LPIN1: variants seen among roughly 807,000 people sequenced by gnomAD.
LPIN1 encodes the protein phosphatidate phosphatase LPIN1.
In LPIN1, 71 loss-of-function variants were observed where a neutral mutation model predicts 107.5. That is an observed-to-expected ratio of 0.66 (90% CI 0.55 to 0.80). The LOEUF is 0.80. LPIN1 is among the 30% of genes least tolerant of loss of function. LPIN1 has a pLI of 0.00. For missense variants in LPIN1, 1,043 were observed against 1,160.6 expected (o/e 0.90, Z 1.47); for synonymous variants, 445 against 452.6 (o/e 0.98, Z 0.21).
At chr2:11,783,239 G>C (rs757595748) in intron 8 of LPIN1, among the ~76,000 whole-genome samples, 1 of 152,178 alleles carries the variant, frequency 6.6e-6, no homozygotes, top group Non-Finnish European at 1.5e-5. Context: ...GCACAGTGTG[G>C]GATGCTTTGC....
At chr2:11,683,272 A>G (rs1199829737) in intron 1 of LPIN1, 1 of 152,226 alleles carries the variant, frequency 6.6e-6, no homozygotes, top group Non-Finnish European at 1.5e-5. Context: ...TTGATTTGGA[A>G]TTTCGGTAAT....
intron 12 of LPIN1, among the ~76,000 whole-genome samples, chr2:11,789,030 C>G (rs1220938185): frequency 6.6e-6 from 1 of 152,174 alleles, no homozygotes; most frequent in African/African-American, 2.4e-5. Context: ...CTCATCCTAC[C>G]CCAAACAATT....
intron 1 of LPIN1, among the ~76,000 whole-genome samples, chr2:11,703,816 T>G (rs1460957699): frequency 6.6e-6 from 1 of 152,270 alleles, no homozygotes; most frequent in Non-Finnish European, 1.5e-5. Context: ...ATTTAGTGGC[T>G]TAAAACAATA....
chr2:11,721,586 C>G (rs529045728), upstream of LPIN1: 1 of 152,274 alleles, frequency 6.6e-6, no homozygotes, highest in African/African-American at 2.4e-5. Flanking sequence ...TCTCTATCCT[C>G]ACTGTTCTAG....
chr2:11,789,473 T>A (rs1394681891), intron 12 of LPIN1, among the ~76,000 whole-genome samples: 1 of 151,982 alleles, frequency 6.6e-6, no homozygotes, highest in Non-Finnish European at 1.5e-5. Context: ...TGTGCACGTG[T>A]GTGCATGTGT....
Position 11,771,374 on chromosome 2 carries a change from A to T in LPIN1, c.291A>T (p.Glu97Asp). The T allele has an allele frequency of 4.3e-6, 7 of 1,614,174 alleles. No homozygotes were observed. Among genetic ancestry groups the T allele is most frequent in the Non-Finnish European group, 5.9e-6 (7 of 1,179,994 alleles). Residue 97 changes from glutamate to aspartate, a missense_variant and splice_region_variant, in exon 4 of 21, where the codon GAA (glutamate) becomes GAT (aspartate). Transcript: ENST00000674199. This position sits in a 1 kb window ranked among gnomAD's most constrained non-coding sequence, Gnocchi z 4.8. ...TAGAAAATGTGTTCTTTTCTTAGGA[A>T]GTTATCCCTATGCACCTGGCCACCT... is the stretch of plus-strand genomic sequence containing the variant. Reference protein sequence around the residue: ...FFVQETDNDQEVIPMHLATSP... With the variant: ...FFVQETDNDQDVIPMHLATSP...
chr2:11,772,418 G>A (rs574764529), intron 4 of LPIN1, among the ~76,000 whole-genome samples: 3 of 152,326 alleles, frequency 2.0e-5, no homozygotes, highest in South Asian at 4.1e-4. Context: ...TAGCAGCCTG[G>A]AATGGAGTCA....
At chr2:11,691,216 G>C (rs6432232) in intron 1 of LPIN1, among the ~76,000 whole-genome samples, 39,154 of 151,632 alleles carry the variant, frequency 0.26, 7,499 homozygotes, top group African/African-American at 0.54. Context: ...CCCCAGGTCC[G>C]GGGGCACAGT....
chr2:11,761,635 C>T (rs942548954), intron 1 of LPIN1, among the ~76,000 whole-genome samples: 5 of 152,088 alleles, frequency 3.3e-5, no homozygotes, highest in South Asian at 2.1e-4. Flanking sequence ...GAATTAAATC[C>T]GCAGTTCTTA....
At chr2:11,795,529 G>A (rs565576246) in intron 14 of LPIN1, 42 bp downstream of exon 14, 9 of 1,549,552 alleles carry the variant, frequency 5.8e-6, no homozygotes, top group South Asian at 5.6e-5. Flanking sequence ...GCCCCTTTCC[G>A]CATCCAAGTT....
At chr2:11,752,501 G>A (rs1177543373) in intron 1 of LPIN1, among the ~76,000 whole-genome samples, 1 of 138,914 alleles carries the variant, frequency 7.2e-6, no homozygotes, top group Non-Finnish European at 1.5e-5. Flanking sequence ...GCGGGATCTC[G>A]GCTCACTGCA....
At chr2:11,758,059 C>T (rs900266930) in intron 1 of LPIN1, among the ~76,000 whole-genome samples, 4 of 151,904 alleles carry the variant, frequency 2.6e-5, no homozygotes, top group Admixed American at 6.6e-5. Flanking sequence ...ATTTAGCCTA[C>T]TGTCCTCAAG....
At chr2:11,773,785 T>C (rs1672249221) in intron 5 of LPIN1, 40 bp downstream of exon 5, 1 of 1,607,742 alleles carries the variant, frequency 6.2e-7, no homozygotes, top group Admixed American at 1.7e-5. Context: ...TGCAGAGGCT[T>C]AGAAGTCAGT....
chr2:11,771,608 A>T lies in LPIN1; in HGVS notation c.525A>T (p.Thr175=), dbSNP rs1365179754. ...TGAAGAGAGATGACAACATGAACAC[A>T]TCTGAGGATGAGGACATGTTCCCCA... The part of the protein sequence containing the change: ...DSLKRDDNMN[T]SEDEDMFPIE... The change falls in exon 4 of 21, where the codon ACA becomes ACT. Residue 175 remains threonine, a synonymous_variant. Transcript: ENST00000674199. This position sits in a 1 kb window ranked among gnomAD's most constrained non-coding sequence, Gnocchi z 4.8. 1.9e-6 allele frequency: 3 copies of T among 1,611,056 alleles called. No homozygotes were observed. The highest frequency in any genetic ancestry group is 1.7e-6 in the Non-Finnish European group (2 of 1,178,626).
intron 17 of LPIN1, 49 bp downstream of exon 17, chr2:11,805,205 C>A: frequency 7.4e-7 from 1 of 1,343,272 alleles, no homozygotes; most frequent in Non-Finnish European, 1.1e-6. Flanking sequence ...CTGGTGTGTG[C>A]ACCGCACTCT....
chr2:11,715,596 G>C (rs1663681467), intron 2 of LPIN1, among the ~76,000 whole-genome samples: 2 of 152,178 alleles, frequency 1.3e-5, no homozygotes, highest in African/African-American at 4.8e-5. Context: ...AGTGCTTGCT[G>C]TCCACCATGG....
At chr2:11,824,393 A>T (rs939574083) in intron 20 of LPIN1, among the ~76,000 whole-genome samples, 1 of 151,418 alleles carries the variant, frequency 6.6e-6, no homozygotes, top group African/African-American at 2.4e-5. Flanking sequence ...CCTTCAAGTG[A>T]AGTCAGGTCC....
intron 1 of LPIN1, among the ~76,000 whole-genome samples, chr2:11,690,081 GA>G (rs1409538721): frequency 6.6e-5 from 10 of 151,982 alleles, no homozygotes; most frequent in Non-Finnish European, 1.5e-5. Flanking sequence ...TTGTTTTAAA[GA>G]AAACCTAAAA....
intron 1 of LPIN1, among the ~76,000 whole-genome samples, chr2:11,692,073 A>G (rs1261359486): frequency 6.6e-6 from 1 of 152,148 alleles, no homozygotes; most frequent in Non-Finnish European, 1.5e-5. Flanking sequence ...TGTTACCCTA[A>G]CCCTAACCCT....
Sources: allele counts gnomAD v4.1 joint callset (sites outside exome capture counted in the v4.1 genomes callset), GRCh38; gene constraint gnomAD v4.1.1; non-coding constraint Gnocchi (gnomAD v3.1); transcripts MANE v1.5; gene names NCBI Gene and HGNC (gene_info 2026-07-23, HGNC 2026-07-21).